Variants in JUP observed in about 807,000 individuals in gnomAD.
The protein encoded by JUP is junction plakoglobin.
In JUP, 28 loss-of-function variants were observed where a neutral mutation model predicts 71.1. That is an observed-to-expected ratio of 0.39 (90% CI 0.29 to 0.54). The LOEUF is 0.54. Ranked by LOEUF, JUP falls within the 20% of genes least tolerant of loss-of-function variation. The probability of loss-of-function intolerance (pLI) is 0.62; values close to 1 mark genes in which losing one functional copy is unlikely to be tolerated. For missense variants in JUP, 869 were observed against 1,030.1 expected (o/e 0.84, Z 2.14); for synonymous variants, 401 against 438.9 (o/e 0.91, Z 1.08).
intron 1 of JUP, among the ~76,000 whole-genome samples, chr17:41,775,215 A>T (rs934273682): frequency 6.6e-6 from 1 of 152,144 alleles, no homozygotes; most frequent in Non-Finnish European, 1.5e-5. Context: ...AGATTCTAGA[A>T]ATAAAAAAAC....
Position 41,777,212 on chromosome 17 carries a change from C to G in JUP, c.-8-5350G>C, listed in dbSNP as rs141266614. Among the ~76,000 whole-genome samples the G allele has an allele frequency of 2.8e-4, 43 of 152,228 alleles. No homozygotes were observed. In the East Asian group the frequency reaches 7.7e-3, roughly 27 times the overall value. ...GAAGGGGAGTGGAACTTCGCTCACG[C>G]CAGGTGGAGACACTGGCTGCCCTAT... On this transcript the variant is annotated intron_variant, in intron 1 of 13. Transcript: ENST00000393931.
chr17:41,762,962 C>G, intron 8 of JUP, 21 bp downstream of exon 8: 1 of 1,609,710 alleles, frequency 6.2e-7, no homozygotes, highest in Non-Finnish European at 8.5e-7. Flanking sequence ...GGAGCTCCTT[C>G]CCCTCGCCTA....
At chr17:41,780,137 C>T (rs1314902537) in intron 1 of JUP, among the ~76,000 whole-genome samples, 1 of 152,134 alleles carries the variant, frequency 6.6e-6, no homozygotes, top group Non-Finnish European at 1.5e-5. Context: ...TGGCTCATGC[C>T]CATAATCCCA....
chr17:41,766,499 T>A (rs1555604095), intron 5 of JUP, among the ~76,000 whole-genome samples: 1 of 151,882 alleles, frequency 6.6e-6, no homozygotes. Context: ...GGCAGGCAGA[T>A]CACTTGAGCC....
At position 41,754,727 on chromosome 17, in the gene JUP, T is replaced by C. The variant is rs1913405051; in HGVS notation, c.*1017A>G. On this transcript the variant is annotated 3_prime_UTR_variant, in exon 14 of 14. Transcript: ENST00000393931. Reference sequence around the variant, plus strand: ...ACCTCCCCCAGCCCCCCACACCATGTGCGGGAAATGGGGGGGTCTGAAACA... The same window carrying C: ...ACCTCCCCCAGCCCCCCACACCATGCGCGGGAAATGGGGGGGTCTGAAACA... 1 of 152,724 alleles carries C rather than the reference T, an allele frequency of 6.5e-6. No individual in the cohort carries two copies. Among genetic ancestry groups the C allele is most frequent in the Non-Finnish European group, 1.5e-5 (1 of 68,212 alleles). 9.5% of individuals were successfully genotyped at this position (152,724 alleles called of 1,614,324 possible). A position where few individuals can be genotyped will look rare whatever the true frequency, so the allele number is the denominator to read the frequency against.
chr17:41,785,951 G>C (rs1270575605), intron 1 of JUP: 1 of 152,290 alleles, frequency 6.6e-6, no homozygotes, highest in Admixed American at 6.5e-5. Context: ...GGAGGGAGGC[G>C]CCGCAGGTAG....
chr17:41,773,952 T>G (rs1555607879), intron 1 of JUP, among the ~76,000 whole-genome samples: 1 of 152,228 alleles, frequency 6.6e-6, no homozygotes, highest in African/African-American at 2.4e-5. Context: ...GCTGGACATC[T>G]GCAGCTCTGG....
intron 1 of JUP, among the ~76,000 whole-genome samples, chr17:41,782,954 T>G (rs538695648): frequency 1.3e-5 from 2 of 151,776 alleles, no homozygotes; most frequent in African/African-American, 4.8e-5. Flanking sequence ...AAAATTAGCC[T>G]AGTGTGGTGG....
intron 8 of JUP, among the ~76,000 whole-genome samples, chr17:41,759,952 G>C (rs1297607571): frequency 6.6e-6 from 1 of 151,744 alleles, no homozygotes; most frequent in Non-Finnish European, 1.5e-5. Flanking sequence ...AGTGGCTCAC[G>C]CCTGTAATCC....
intron 4 of JUP, among the ~76,000 whole-genome samples, chr17:41,767,924 T>A (rs1384026692): frequency 6.6e-6 from 1 of 151,568 alleles, no homozygotes; most frequent in Non-Finnish European, 1.5e-5. Flanking sequence ...CAGAGGGGAG[T>A]GAAATCAGTG....
chr17:41,769,739 G>A, intron 2 of JUP, 62 bp from the exon 3 acceptor site: 6 of 1,568,136 alleles, frequency 3.8e-6, no homozygotes, highest in Non-Finnish European at 4.3e-6. Flanking sequence ...CTGGGGAGCA[G>A]GGCAGGCCAC....
chr17:41,765,554 T>G (rs1915588733), intron 5 of JUP, among the ~76,000 whole-genome samples: 1 of 152,038 alleles, frequency 6.6e-6, no homozygotes, highest in Non-Finnish European at 1.5e-5. Flanking sequence ...GGTTTCACTA[T>G]GTTGGCCAGG....
At chr17:41,772,599 G>A (rs782410141) in intron 1 of JUP, among the ~76,000 whole-genome samples, 7 of 152,114 alleles carry the variant, frequency 4.6e-5, no homozygotes, top group Non-Finnish European at 7.4e-5. Context: ...TCTGTAAAGC[G>A]GGGTCACGCC....
At chr17:41,767,246 G>C (rs1260229462) in intron 5 of JUP, 133 bp downstream of exon 5, 1 of 708,122 alleles carries the variant, frequency 1.4e-6, no homozygotes. Flanking sequence ...CAATTCAGTC[G>C]CATGATGAAG....
chr17:41,762,789 G>T (rs1329708058), intron 8 of JUP, among the ~76,000 whole-genome samples, 194 bp downstream of exon 8: 1 of 152,186 alleles, frequency 6.6e-6, no homozygotes, highest in Non-Finnish European at 1.5e-5. Flanking sequence ...AGAGCTACAA[G>T]ATAGAAATCC....
Position 41,758,752 on chromosome 17 carries a change from TG to T in JUP, c.1615del (p.Gln539SerfsTer4). ...CTGTGTGCCTGCAGCTACGTGGCGC[TG>T]GGCATCCTGGTGGGCCTTCACCAGC... ...QLLVKAHQDA[Q>X]RHVAAGTQQP... On this transcript the variant is annotated frameshift_variant, in exon 9 of 14. Coordinates refer to ENST00000393931, the MANE Select transcript of JUP (RefSeq NM_002230.4). LOFTEE classifies it high-confidence loss of function. 6.2e-7 allele frequency: 1 copy of T among 1,607,714 alleles called. No homozygotes were observed.
intron 1 of JUP, among the ~76,000 whole-genome samples, chr17:41,782,086 C>T (rs149401650): frequency 9.8e-5 from 15 of 152,306 alleles, no homozygotes; most frequent in African/African-American, 2.6e-4. Flanking sequence ...TTCAGTACTC[C>T]GGCTGCACCA....
chr17:41,777,563 G>A (rs782299685), intron 1 of JUP, among the ~76,000 whole-genome samples: 8 of 152,248 alleles, frequency 5.3e-5, no homozygotes, highest in Non-Finnish European at 1.0e-4. Context: ...GGCAGACACT[G>A]TGGTCTCCAT....
intron 4 of JUP, 47 bp downstream of exon 4, chr17:41,768,922 C>T (rs934994826): frequency 1.4e-6 from 2 of 1,439,284 alleles, no homozygotes; most frequent in Admixed American, 3.7e-5. Context: ...GGGAGAGGCC[C>T]AAGTGAGAGG....
Sources: gnomAD v4.1 joint callset for allele counts (sites outside exome capture counted in the v4.1 genomes callset) on GRCh38, gnomAD v4.1.1 for gene constraint, MANE v1.5 for transcripts, NCBI Gene and HGNC (gene_info 2026-07-23, HGNC 2026-07-21) for gene names.